MN1: variants seen among roughly 807,000 people sequenced by gnomAD.
MN1 encodes the protein MN1 proto-oncogene, transcriptional regulator.
MN1 carries 19 observed loss-of-function variants against 86.9 expected under a neutral mutation model. The ratio of observed to expected loss-of-function variants is 0.22; its 90% CI spans 0.15 to 0.32. The LOEUF is 0.32. MN1 is among the 10% of genes least tolerant of loss of function. MN1 has a pLI of 1.00. For missense variants in MN1, 1,841 were observed against 1,862.0 expected, an observed-to-expected ratio of 0.99 and a Z score of 0.21; for synonymous variants, 928 against 849.6, an observed-to-expected ratio of 1.09 and a Z score of -1.60.
chr22:27,761,489 G>A (rs1037323724), intron 1 of MN1, among the ~76,000 whole-genome samples: 1 of 150,138 alleles, frequency 6.7e-6, no homozygotes, highest in Non-Finnish European at 1.5e-5. Flanking sequence ...GGGTGACACA[G>A]AAGCTGAGGA....
intron 1 of MN1, among the ~76,000 whole-genome samples, chr22:27,771,174 A>G (rs2146301540): frequency 6.8e-6 from 1 of 146,112 alleles, no homozygotes; most frequent in South Asian, 2.2e-4. Flanking sequence ...AAAAAACTCT[A>G]TAACCCCATG....
At chr22:27,769,312 A>G (rs1932894996) in intron 1 of MN1, among the ~76,000 whole-genome samples, 1 of 152,100 alleles carries the variant, frequency 6.6e-6, no homozygotes, top group Non-Finnish European at 1.5e-5. Flanking sequence ...TGCAATCACA[A>G]AGAGTGGGAA....
In MN1 at chr22:27,786,426, G is replaced by A. The variant is rs894326554; in HGVS notation, c.3781+10337C>T. 3.3e-5 allele frequency among the ~76,000 whole-genome samples: 5 copies of A among 150,818 alleles called. No individual in the cohort carries two copies. The South Asian group carries it at 1.0e-3, about 31-fold the overall frequency. On this transcript the variant is annotated intron_variant, in intron 1 of 1. Transcript: ENST00000302326. ...AAGTCAAACGATGCATTTCTTAAAA[G>A]TTAAACACACACACACACACACACA...
Position 27,797,341 on chromosome 22 carries a change from G to T in MN1, c.3203C>A (p.Ala1068Glu). Reference sequence around the variant, plus strand: ...GGGACTCCTGCTCGCTTTAACTAGTGCCTGGGGGTTGTCAGAGCTGGACGA... The same window carrying T: ...GGGACTCCTGCTCGCTTTAACTAGTTCCTGGGGGTTGTCAGAGCTGGACGA... ...EVSSSSDNPQ[A>E]LVKASRSPLV... The change falls in exon 1 of 2, where the codon GCA becomes GAA. Residue 1068 changes from alanine to glutamate, a missense_variant. By Grantham distance (107) the Ala-to-Glu change is moderately radical. Coordinates refer to ENST00000302326, the MANE Select transcript of MN1 (RefSeq NM_002430.3). The T allele has an allele frequency of 6.2e-7, 1 of 1,607,240 alleles. No homozygotes were observed.
chr22:27,791,518 G>T (rs550283895), intron 1 of MN1, among the ~76,000 whole-genome samples: 1 of 152,048 alleles, frequency 6.6e-6, no homozygotes, highest in East Asian at 1.9e-4. Flanking sequence ...AACAAGCAGC[G>T]GGTAGTGAGA....
chr22:27,779,626 C>G (rs977401301), intron 1 of MN1, among the ~76,000 whole-genome samples: 3 of 152,194 alleles, frequency 2.0e-5, no homozygotes, highest in Non-Finnish European at 4.4e-5. Flanking sequence ...CTCTCTGGGA[C>G]TCAGTTTTCT....
At chr22:27,772,522 G>A (rs1485096001) in intron 1 of MN1, among the ~76,000 whole-genome samples, 2 of 152,088 alleles carry the variant, frequency 1.3e-5, no homozygotes, top group Admixed American at 6.5e-5. Flanking sequence ...AAGTAGTGCC[G>A]ACTGTATGCC....
At position 27,785,499 on chromosome 22, in the gene MN1, G is replaced by A. The variant is rs928584674; in HGVS notation, c.3781+11264C>T. The stretch of plus-strand genomic sequence containing the variant: ...CAAAAAGTTTTTTTAAAGTCTTCCA[G>A]CTCTTTCTCTCTTCGATTCCCAAAA... On this transcript the variant is annotated intron_variant, in intron 1 of 1. Transcript: ENST00000302326. Among the ~76,000 whole-genome samples the A allele has an allele frequency of 7.9e-5, 12 of 152,278 alleles. No individual in the cohort carries two copies. In the East Asian group the frequency reaches 2.3e-3, roughly 29 times the overall value.
In MN1 at chr22:27,775,325, C is replaced by T. The variant is rs534057421; in HGVS notation, c.3781+21438G>A. Among the ~76,000 whole-genome samples the T allele has an allele frequency of 5.9e-5, 9 of 152,282 alleles. No homozygotes were observed. The East Asian group carries it at 1.7e-3, about 30-fold the overall frequency. On this transcript the variant is annotated intron_variant, in intron 1 of 1. Transcript: ENST00000302326. Reference sequence around the variant, plus strand: ...TCAGGCTTCTTCTCTGACCAGACTCCAGAGGGTGGGAGTGGCCAGGGGTTC... The same window carrying T: ...TCAGGCTTCTTCTCTGACCAGACTCTAGAGGGTGGGAGTGGCCAGGGGTTC...
intron 1 of MN1, among the ~76,000 whole-genome samples, chr22:27,780,440 A>G (rs976762555): frequency 1.8e-4 from 28 of 151,964 alleles, no homozygotes; most frequent in African/African-American, 6.5e-4. Context: ...GCCGGAGCCC[A>G]TTGTTAAATA....
At chr22:27,775,032 T>C (rs1419172714) in intron 1 of MN1, among the ~76,000 whole-genome samples, 2 of 152,220 alleles carry the variant, frequency 1.3e-5, no homozygotes, top group African/African-American at 4.8e-5. Context: ...GCTGGTGATG[T>C]CTCATGCTGA....
At chr22:27,779,452 T>C (rs1933022849) in intron 1 of MN1, among the ~76,000 whole-genome samples, 1 of 152,168 alleles carries the variant, frequency 6.6e-6, no homozygotes, top group African/African-American at 2.4e-5. Flanking sequence ...CGGCATGACC[T>C]GGTGACGGCC....
rs755457164 is a variant in MN1, at chr22:27,797,990, T to G, written c.2554A>C (p.Asn852His). 6.3e-7 allele frequency: 1 copy of G among 1,594,938 alleles called. No homozygotes were observed. The change falls in exon 1 of 2, where the codon AAC (asparagine) becomes CAC (histidine). Residue 852 changes from asparagine to histidine, a missense_variant. By Grantham distance (68) the Asn-to-His change is moderately conservative (BLOSUM62 1). Transcript: ENST00000302326. ...AGTTTCCTCTTGCCCTCTGGCGGGT[T>G]CTTCTTGTTGAAGGTCACGTTGAGG... ...PNLNVTFNKK[N>H]PPEGKRKLSQ...
At chr22:27,776,113 A>C (rs1932975467) in intron 1 of MN1, among the ~76,000 whole-genome samples, 1 of 152,196 alleles carries the variant, frequency 6.6e-6, no homozygotes, top group Non-Finnish European at 1.5e-5. Context: ...GGAGAATTCA[A>C]AGGTGGCAGA....
chr22:27,749,685 C>T lies in MN1; in HGVS notation c.*1230G>A. On this transcript the variant is annotated 3_prime_UTR_variant, in exon 2 of 2. Coordinates refer to ENST00000302326, the MANE Select transcript of MN1 (RefSeq NM_002430.3). The stretch of plus-strand genomic sequence containing the variant: ...TTCCAGAGTTCAAAACTAAAAGGCG[C>T]AGGAATCAAAGTCATTTCATTCTAT... 4.3e-6 allele frequency: 1 copy of T among 231,664 alleles called. No individual in the cohort carries two copies. The highest frequency in any genetic ancestry group is 8.5e-6 in the Non-Finnish European group (1 of 117,022). 14.4% of individuals were successfully genotyped at this position (231,664 alleles called of 1,614,324 possible). A position where few individuals can be genotyped will look rare whatever the true frequency, so the allele number is the denominator to read the frequency against.
At chr22:27,787,802 G>C (rs150596283) in intron 1 of MN1, among the ~76,000 whole-genome samples, 1 of 152,272 alleles carries the variant, frequency 6.6e-6, no homozygotes, top group Non-Finnish European at 1.5e-5. Context: ...CCACAGGCAC[G>C]TCTGGGTCCT....
chr22:27,785,368 G>T (rs905434693), intron 1 of MN1, among the ~76,000 whole-genome samples: 3 of 152,138 alleles, frequency 2.0e-5, no homozygotes, highest in Non-Finnish European at 2.9e-5. Flanking sequence ...GGGGCCGGCC[G>T]CTTCTCCACG....
chr22:27,774,733 C>T (rs1327745322), intron 1 of MN1, among the ~76,000 whole-genome samples: 1 of 152,190 alleles, frequency 6.6e-6, no homozygotes, highest in South Asian at 2.1e-4. Context: ...GTTGACACTG[C>T]CATCATCCTC....
intron 1 of MN1, among the ~76,000 whole-genome samples, chr22:27,764,455 A>G (rs1932855310): frequency 6.6e-6 from 1 of 152,164 alleles, no homozygotes; most frequent in Non-Finnish European, 1.5e-5. Context: ...GCCACATCTC[A>G]GATGGTGACC....
Sources: allele counts gnomAD v4.1 joint callset (sites outside exome capture counted in the v4.1 genomes callset), GRCh38; gene constraint gnomAD v4.1.1; transcripts MANE v1.5; gene names NCBI Gene and HGNC (gene_info 2026-07-23, HGNC 2026-07-21).